Variants in RYR2 observed in about 807,000 individuals in gnomAD.
RYR2 encodes the protein cardiac muscle ryanodine receptor-calcium release channel.
In RYR2, 227 loss-of-function variants were observed where a neutral mutation model predicts 601.1. The ratio of observed to expected loss-of-function variants is 0.38; its 90% CI spans 0.34 to 0.42. RYR2 has a LOEUF of 0.42. RYR2 is among the 10% of genes least tolerant of loss of function. The pLI, the probability that RYR2 is intolerant of heterozygous loss-of-function variation, is 1.00. For synonymous variants in RYR2, 2,223 were observed against 2,175.1 expected (o/e 1.02, Z -0.61); for missense variants, 4,646 against 6,156.5 (o/e 0.75, Z 8.21).
chr1:237,803,364 C>CGTG (rs1442678665), intron 98 of RYR2, among the ~76,000 whole-genome samples: 4 of 151,142 alleles, frequency 2.6e-5, no homozygotes, highest in African/African-American at 7.3e-5. Flanking sequence ...AGTGCAGTGG[C>CGTG]ACACTCTCCG....
At chr1:237,828,201 C>T (rs190201297) in intron 101 of RYR2, among the ~76,000 whole-genome samples, 180 bp from the exon 102 acceptor site, 8 of 152,262 alleles carry the variant, frequency 5.3e-5, no homozygotes, top group African/African-American at 1.9e-4. Flanking sequence ...ATACTTCTGT[C>T]CCCAAAGACA....
intron 1 of RYR2, among the ~76,000 whole-genome samples, chr1:237,190,124 G>C (rs148211251): frequency 4.0e-4 from 61 of 152,096 alleles, no homozygotes; most frequent in African/African-American, 1.4e-3. Context: ...CCTGACCTCT[G>C]ATGATCTGCC....
At chr1:237,596,693 G>A (rs1675927429) in intron 34 of RYR2, among the ~76,000 whole-genome samples, 1 of 152,130 alleles carries the variant, frequency 6.6e-6, no homozygotes, top group African/African-American at 2.4e-5. Context: ...ACCCAGAAAA[G>A]TCCTTTCCAA....
chr1:237,516,928 G>T (rs1478874884), intron 24 of RYR2, among the ~76,000 whole-genome samples: 1 of 152,070 alleles, frequency 6.6e-6, no homozygotes, highest in African/African-American at 2.4e-5. Context: ...CCTCCCACTT[G>T]CCGTCTTTAT....
chr1:237,484,607 G>A (rs1662478922), intron 17 of RYR2, among the ~76,000 whole-genome samples: 2 of 152,166 alleles, frequency 1.3e-5, no homozygotes. Flanking sequence ...GAGCACTCTT[G>A]CCCTGTGGCT....
chr1:237,247,914 C>T (rs1026950479), intron 1 of RYR2, among the ~76,000 whole-genome samples: 1 of 152,112 alleles, frequency 6.6e-6, no homozygotes, highest in Non-Finnish European at 1.5e-5. Flanking sequence ...TCTGTCCATG[C>T]TGGTACCTCA....
At chr1:237,080,672 A>G (rs1347203529) in intron 1 of RYR2, among the ~76,000 whole-genome samples, 1 of 63,680 alleles carries the variant, frequency 1.6e-5, no homozygotes, top group Admixed American at 1.6e-4. Context: ...ACACTTTTAC[A>G]CTGTTGGTGG....
At chr1:237,263,279 GC>G (rs1688720786) in intron 1 of RYR2, among the ~76,000 whole-genome samples, 1 of 152,158 alleles carries the variant, frequency 6.6e-6, no homozygotes, top group Admixed American at 6.5e-5. Context: ...CAGCATGGCA[GC>G]ATGTATTTAT....
chr1:237,432,401 T>C (rs777932248), intron 12 of RYR2, among the ~76,000 whole-genome samples: 11 of 152,160 alleles, frequency 7.2e-5, no homozygotes, highest in Non-Finnish European at 1.3e-4. Flanking sequence ...CTAGCAAAGC[T>C]ACTCTAAGAC....
intron 21 of RYR2, among the ~76,000 whole-genome samples, chr1:237,501,774 T>C (rs1664664549): frequency 6.6e-6 from 1 of 152,218 alleles, no homozygotes. Flanking sequence ...TGGAATGTTT[T>C]AACATTTTTA....
intron 1 of RYR2, among the ~76,000 whole-genome samples, chr1:237,143,012 A>G (rs1164047747): frequency 6.6e-6 from 1 of 152,180 alleles, no homozygotes; most frequent in Non-Finnish European, 1.5e-5. Context: ...CCTTGAAAAA[A>G]GAAGGTTCAG....
At chr1:237,691,815 T>C (rs1686968778) in intron 63 of RYR2, among the ~76,000 whole-genome samples, 1 of 152,200 alleles carries the variant, frequency 6.6e-6, no homozygotes, top group African/African-American at 2.4e-5. Flanking sequence ...GATTATAAGT[T>C]GGTGCACATA....
intron 77 of RYR2, among the ~76,000 whole-genome samples, chr1:237,730,791 G>C (rs1690612845): frequency 1.3e-5 from 2 of 152,124 alleles, no homozygotes; most frequent in South Asian, 4.1e-4. Flanking sequence ...GAACACAGGA[G>C]ACTGAACACA....
intron 8 of RYR2, among the ~76,000 whole-genome samples, chr1:237,383,378 C>A (rs1330409645): frequency 6.7e-6 from 1 of 149,468 alleles, no homozygotes; most frequent in Non-Finnish European, 1.5e-5. Flanking sequence ...ACTCTGCATT[C>A]CAATCTAGAT....
chr1:237,530,085 G>A (rs377350322), intron 24 of RYR2, among the ~76,000 whole-genome samples: 5 of 152,232 alleles, frequency 3.3e-5, no homozygotes, highest in African/African-American at 1.2e-4. Context: ...GCCGAGATGG[G>A]TGGATCACGA....
At chr1:237,782,297 T>TG in intron 89 of RYR2, among the ~76,000 whole-genome samples, 1 of 151,964 alleles carries the variant, frequency 6.6e-6, no homozygotes, top group Non-Finnish European at 1.5e-5. Flanking sequence ...GTATGACCCT[T>TG]GGACAAGCTA....
intron 27 of RYR2, among the ~76,000 whole-genome samples, chr1:237,552,175 G>A (rs1670468453): frequency 6.6e-6 from 1 of 152,092 alleles, no homozygotes; most frequent in South Asian, 2.1e-4. Context: ...TGTTAGGTGT[G>A]CAGATACCAA....
rs564650644 is a variant in RYR2, at chr1:237,819,742, C to T, written c.14590+550C>T. Among the ~76,000 whole-genome samples the T allele has an allele frequency of 1.3e-5, 2 of 152,154 alleles. No homozygotes were observed. Among genetic ancestry groups the T allele is most frequent in the Admixed American group, 1.3e-4 (2 of 15,280 alleles). On this transcript the variant is annotated intron_variant, in intron 101 of 104. Coordinates refer to ENST00000366574, the MANE Select transcript of RYR2 (RefSeq NM_001035.3). The surrounding 1 kb of genome is among the most constrained non-coding windows in gnomAD (Gnocchi z 4.0). ...CTGAGGCAGGAGAATTGCTTGAACC[C>T]GGGAGGTGGAGGTTGCAGTGAGCCA...
intron 101 of RYR2, among the ~76,000 whole-genome samples, chr1:237,822,379 A>C (rs1662610313): frequency 1.3e-5 from 2 of 152,262 alleles, no homozygotes; most frequent in Non-Finnish European, 2.9e-5. Context: ...AATATTCAAC[A>C]TTCTTAAAGG....
Sources: gnomAD v4.1 joint callset for allele counts (sites outside exome capture counted in the v4.1 genomes callset) on GRCh38, gnomAD v4.1.1 for gene constraint, Gnocchi (gnomAD v3.1) non-coding constraint, MANE v1.5 for transcripts, NCBI Gene and HGNC (gene_info 2026-07-23, HGNC 2026-07-21) for gene names.